The following AACS variants were observed in gnomAD, a reference collection of about 807,000 sequenced individuals.
The protein encoded by AACS is acetoacetyl-CoA synthetase.
AACS carries 69 observed loss-of-function variants against 83.1 expected under a neutral mutation model. That is an observed-to-expected ratio of 0.83 (90% CI 0.68 to 1.01). AACS has a LOEUF of 1.01. Ranked by LOEUF, AACS falls within the 50% of genes least tolerant of loss-of-function variation. The pLI, the probability that AACS is intolerant of heterozygous loss-of-function variation, is 0.00. For missense variants in AACS, 866 were observed against 882.2 expected (o/e 0.98, Z 0.23); for synonymous variants, 333 against 343.4 (o/e 0.97, Z 0.33).
rs1957222507 is a variant in AACS at position 125,124,931 on chromosome 12, A to G, written c.1216A>G (p.Thr406Ala). 6.2e-7 allele frequency: 1 copy of G among 1,614,194 alleles called. No individual in the cohort carries two copies. The highest frequency in any genetic ancestry group is 1.3e-5 in the African/African-American group (1 of 75,056). The change falls in exon 12 of 18, where the codon ACG becomes GCG. Residue 406 changes from threonine (T) to alanine (A), a missense_variant. By Grantham distance (58) the Thr-to-Ala change is moderately conservative. Coordinates refer to ENST00000316519, the MANE Select transcript of AACS (RefSeq NM_023928.5). ...AACCCACAGTCTCCAGATGCTCCAC[A>G]CGATCCTGTCCACTGGCTCCCCACT... ...VETHSLQMLH[T>A]ILSTGSPLKA...
intron 1 of AACS, among the ~76,000 whole-genome samples, chr12:125,073,620 T>C (rs1430590095): frequency 6.6e-6 from 1 of 152,180 alleles, no homozygotes; most frequent in African/African-American, 2.4e-5. Flanking sequence ...GAGTCTATGT[T>C]CTTAGGCATG....
In AACS at chr12:125,140,758, G is replaced by A. The variant is rs1174502985; in HGVS notation, c.1882-1334G>A. The A allele has an allele frequency of 6.6e-6, 1 of 152,170 alleles. No homozygotes were observed. Among genetic ancestry groups the A allele is most frequent in the Non-Finnish European group, 1.5e-5 (1 of 68,050 alleles). The allele number at this position is 152,170 out of a possible 1,614,324, so 9.4% of individuals were successfully genotyped here. ...TGCCATAAATCTTGGAGCTCTGAAT[G>A]TTTGGAAAGGGCCCGACTGTGAGAA... On this transcript the variant is annotated intron_variant, in intron 17 of 17. Coordinates refer to ENST00000316519, the MANE Select transcript of AACS (RefSeq NM_023928.5). This position sits in a 1 kb window ranked among gnomAD's most constrained non-coding sequence, Gnocchi z 5.1.
intron 7 of AACS, among the ~76,000 whole-genome samples, chr12:125,106,307 T>G (rs561559236): frequency 2.0e-5 from 3 of 152,334 alleles, no homozygotes; most frequent in Non-Finnish European, 4.4e-5. Context: ...TGCGGCTGTT[T>G]CTAGTGCAGA....
intron 5 of AACS, among the ~76,000 whole-genome samples, chr12:125,098,686 C>T (rs1340983997): frequency 2.0e-5 from 3 of 152,166 alleles, no homozygotes; most frequent in African/African-American, 7.2e-5. Context: ...TCCTGATCCT[C>T]AAGTGATCCA....
At chr12:125,066,835 G>C (rs1370544418) in intron 1 of AACS, among the ~76,000 whole-genome samples, 1 of 152,048 alleles carries the variant, frequency 6.6e-6, no homozygotes, top group East Asian at 1.9e-4. Context: ...TGGCGTCACT[G>C]TTCTTGCTCA....
chr12:125,091,526 G>A lies in AACS; in HGVS notation c.570+3G>A. On this transcript the variant is annotated splice_donor_region_variant and intron_variant, in intron 5 of 17. Coordinates refer to ENST00000316519, the MANE Select transcript of AACS (RefSeq NM_023928.5). ...CGTCCCCGGACTTCGGTGTGAATGTGAGTCAGGGTCTGTGACAGAGGGGGC... is the reference window on the plus strand; with the variant it reads ...CGTCCCCGGACTTCGGTGTGAATGTAAGTCAGGGTCTGTGACAGAGGGGGC... 1 of 1,614,190 alleles carries A rather than the reference G, an allele frequency of 6.2e-7. No individual in the cohort carries two copies.
intron 8 of AACS, among the ~76,000 whole-genome samples, chr12:125,110,093 C>T (rs1956920463): frequency 6.6e-6 from 1 of 151,548 alleles, no homozygotes; most frequent in South Asian, 2.1e-4. Flanking sequence ...AATGTTGGCT[C>T]ACTGCAACCT....
chr12:125,080,570 T>C lies in AACS; in HGVS notation c.358+3959T>C, dbSNP rs555568833. 1.6e-4 allele frequency among the ~76,000 whole-genome samples: 24 copies of C among 152,222 alleles called. No individual in the cohort carries two copies. In the South Asian group the frequency reaches 4.8e-3, roughly 30 times the overall value. On this transcript the variant is annotated intron_variant, in intron 3 of 17. Coordinates refer to ENST00000316519, the MANE Select transcript of AACS (RefSeq NM_023928.5). ...GCCCTGTCTCGAGGGTGGGTTATAATTCTGTGTCTGTTTCACACCCCCTAC... is the reference window on the plus strand; with the variant it reads ...GCCCTGTCTCGAGGGTGGGTTATAACTCTGTGTCTGTTTCACACCCCCTAC...
In AACS at chr12:125,079,608, C is replaced by T. The variant is rs139467616; in HGVS notation, c.358+2997C>T. 5.0e-4 allele frequency among the ~76,000 whole-genome samples: 76 copies of T among 152,070 alleles called. 1 individual carries two copies. The East Asian group carries it at 5.0e-3, about 10-fold the overall frequency. On this transcript the variant is annotated intron_variant, in intron 3 of 17. Coordinates refer to ENST00000316519, the MANE Select transcript of AACS (RefSeq NM_023928.5). ...TTTGCCATGTTGCTCAGGCTGGTCT[C>T]GAACTCCTGGGCTCAAGCAATTCAC...
At chr12:125,102,265 G>A (rs1455430073) in intron 5 of AACS, 4 of 179,448 alleles carry the variant, frequency 2.2e-5, no homozygotes, top group Non-Finnish European at 4.7e-5. Flanking sequence ...TGGCCAGCTG[G>A]TCTTGAACTC....
intron 7 of AACS, among the ~76,000 whole-genome samples, chr12:125,104,598 G>T (rs560476363): frequency 6.6e-6 from 1 of 152,308 alleles, no homozygotes; most frequent in Admixed American, 6.5e-5. Context: ...TTTGAGGTAT[G>T]AGCAGGGTCT....
intron 7 of AACS, among the ~76,000 whole-genome samples, chr12:125,104,567 G>T (rs1956792018): frequency 6.6e-6 from 1 of 152,220 alleles, no homozygotes; most frequent in Admixed American, 6.5e-5. Flanking sequence ...AGGATCTGGG[G>T]AGGTGGCATC....
intron 7 of AACS, among the ~76,000 whole-genome samples, chr12:125,103,457 G>GAA (rs1555224400): frequency 2.0e-5 from 3 of 151,788 alleles, no homozygotes; most frequent in African/African-American, 7.3e-5. Flanking sequence ...ACACGACAAG[G>GAA]CACACATATC....
Position 125,142,491 on chromosome 12 carries a change from T to G in AACS, c.*262T>G. The G allele has an allele frequency of 6.1e-6, 3 of 493,910 alleles. No homozygotes were observed. Among genetic ancestry groups the G allele is most frequent in the South Asian group, 5.1e-5 (2 of 39,390 alleles). The allele number at this position is 493,910 out of a possible 1,614,324, so 30.6% of individuals were successfully genotyped here. A position where few individuals can be genotyped will look rare whatever the true frequency, so the allele number is the denominator to read the frequency against. ...GCACTGTGGTGAGAGTGTGTGTCTT[T>G]GCACACACAGTGCAGCGGGAACGGT... On this transcript the variant is annotated 3_prime_UTR_variant, in exon 18 of 18. Transcript: ENST00000316519.
At chr12:125,084,382 C>T in intron 3 of AACS, among the ~76,000 whole-genome samples, 1 of 151,010 alleles carries the variant, frequency 6.6e-6, no homozygotes, top group East Asian at 2.0e-4. Flanking sequence ...TCACTTCCTC[C>T]CCTCCTTTCC....
chr12:125,124,831 T>C, intron 11 of AACS, 62 bp downstream of exon 11: 2 of 1,614,010 alleles, frequency 1.2e-6, no homozygotes, highest in African/African-American at 1.3e-5. Context: ...AAATCCATCC[T>C]ATTTCCTGCT....
At chr12:125,103,754 C>T (rs532389728) in intron 7 of AACS, among the ~76,000 whole-genome samples, 1 of 151,984 alleles carries the variant, frequency 6.6e-6, no homozygotes, top group African/African-American at 2.4e-5. Flanking sequence ...TTTGGGAGGC[C>T]GAGGCAGGCG....
intron 10 of AACS, chr12:125,124,466 C>G (rs183532731): frequency 1.8e-6 from 1 of 556,028 alleles, no homozygotes; most frequent in Admixed American, 3.2e-5. Flanking sequence ...TGTGACGCCT[C>G]GTGGTAAAGG....
intron 5 of AACS, among the ~76,000 whole-genome samples, chr12:125,100,244 A>C (rs752344078): frequency 6.6e-6 from 1 of 152,212 alleles, no homozygotes; most frequent in African/African-American, 2.4e-5. Flanking sequence ...GCGAGCCACC[A>C]TGCCTGCTAA....
Sources: allele counts gnomAD v4.1 joint callset (sites outside exome capture counted in the v4.1 genomes callset), GRCh38; gene constraint gnomAD v4.1.1; non-coding constraint Gnocchi (gnomAD v3.1); transcripts MANE v1.5; gene names NCBI Gene and HGNC (gene_info 2026-07-23, HGNC 2026-07-21).